USP15: variants seen among roughly 807,000 people sequenced by gnomAD.
The protein encoded by USP15 is ubiquitin carboxyl-terminal hydrolase 15.
USP15 carries 18 observed loss-of-function variants against 127.1 expected under a neutral mutation model. The ratio of observed to expected loss-of-function variants is 0.14; its 90% CI spans 0.10 to 0.21. The LOEUF (loss-of-function observed/expected upper bound fraction) is 0.21, where lower values mean the gene tolerates loss of function less well. Ranked by LOEUF, USP15 falls within the 10% of genes least tolerant of loss-of-function variation. The pLI, the probability that USP15 is intolerant of heterozygous loss-of-function variation, is 1.00. For missense variants in USP15, 805 were observed against 1,159.9 expected (o/e 0.69, Z 4.44); for synonymous variants, 364 against 393.7 (o/e 0.92, Z 0.89).
rs1265824236 is a variant in USP15, at chr12:62,311,831, T to G, written c.349-2959T>G. Among the ~76,000 whole-genome samples the G allele has an allele frequency of 1.3e-5, 2 of 151,804 alleles. 1 individual carries two copies. Among genetic ancestry groups the G allele is most frequent in the Admixed American group, 1.3e-4 (2 of 15,216 alleles). On this transcript the variant is annotated intron_variant, in intron 3 of 21. Coordinates refer to ENST00000280377, the MANE Select transcript of USP15 (RefSeq NM_001252078.2). ...CTATTGGCAATATATGGACCTTATT[T>G]GGATCCTGATTCAAACAATACATTA...
rs11431206 is a variant in USP15, at chr12:62,386,168, G to GTTT, written c.1473+1876_1473+1878dup. On this transcript the variant is annotated intron_variant, in intron 11 of 21. Coordinates refer to ENST00000280377, the MANE Select transcript of USP15 (RefSeq NM_001252078.2). ...AAATTCGTTTGTTTTTGTGTTTTGTGTTTTTTTTTTTTCCTTTTTTCCATT... is the reference window on the plus strand; with the variant it reads ...AAATTCGTTTGTTTTTGTGTTTTGTGTTTTTTTTTTTTTTTCCTTTTTTCCATT... Among the ~76,000 whole-genome samples, 976 of 145,260 alleles carry GTTT rather than the reference G, an allele frequency of 6.7e-3. 5 individuals are homozygous for GTTT. Among genetic ancestry groups the GTTT allele is most frequent in the East Asian group, 0.048 (240 of 4,990 alleles).
chr12:62,367,209 G>T (rs73136862), intron 8 of USP15, among the ~76,000 whole-genome samples: 1 of 151,650 alleles, frequency 6.6e-6, no homozygotes, highest in East Asian at 1.9e-4. Flanking sequence ...CCTTGATTTC[G>T]GAGTTGTTTT....
At chr12:62,350,001 TAG>T (rs2065920154) in intron 7 of USP15, among the ~76,000 whole-genome samples, 1 of 151,952 alleles carries the variant, frequency 6.6e-6, no homozygotes. Context: ...AACATTGATC[TAG>T]AGATGATTAT....
intron 6 of USP15, chr12:62,336,729 C>T (rs1019049569): frequency 1.2e-5 from 2 of 161,790 alleles, no homozygotes; most frequent in Admixed American, 6.5e-5. Context: ...TACTATCTGA[C>T]TGAATAGAGG....
In USP15 at chr12:62,302,128, C is replaced by T. The variant is rs182770020; in HGVS notation, c.218-662C>T. On this transcript the variant is annotated intron_variant, in intron 2 of 21. Transcript: ENST00000280377. ...TCTTGGGAGAAATCCAGATTGTGGG[C>T]CTTCTGGAATAATGAAATGGTTCAC... 1.9e-3 allele frequency among the ~76,000 whole-genome samples: 286 copies of T among 152,106 alleles called. 1 individual carries two copies. In the Middle Eastern group the frequency reaches 0.02, roughly 11 times the overall value.
At chr12:62,383,637 A>G (rs1479784514) in intron 9 of USP15, among the ~76,000 whole-genome samples, 2 of 151,992 alleles carry the variant, frequency 1.3e-5, no homozygotes, top group African/African-American at 4.8e-5. Context: ...AGCTGGTAAC[A>G]TGCATATCAG....
At chr12:62,296,603 A>G (rs2064136242) in intron 2 of USP15, among the ~76,000 whole-genome samples, 2 of 152,210 alleles carry the variant, frequency 1.3e-5, no homozygotes, top group Admixed American at 1.3e-4. Context: ...ATGATAGAAT[A>G]GAAAGTCCCA....
At chr12:62,389,537 G>A in intron 12 of USP15, 23 bp downstream of exon 12, 1 of 1,612,598 alleles carries the variant, frequency 6.2e-7, no homozygotes, top group Non-Finnish European at 8.5e-7. Context: ...TGGGGTTGAA[G>A]TATATAAGTT....
chr12:62,296,148 G>A (rs540615967), intron 2 of USP15, among the ~76,000 whole-genome samples: 2 of 152,162 alleles, frequency 1.3e-5, no homozygotes, highest in Admixed American at 6.5e-5. Flanking sequence ...GCAAGGAAAC[G>A]GGAACCTCAA....
At chr12:62,386,969 G>A (rs1225132998) in intron 11 of USP15, among the ~76,000 whole-genome samples, 1 of 152,188 alleles carries the variant, frequency 6.6e-6, no homozygotes, top group Non-Finnish European at 1.5e-5. Flanking sequence ...ATTCAAAGAT[G>A]ATGCCAAGTT....
chr12:62,407,892 A>G lies in USP15; in HGVS notation c.*3517A>G, dbSNP rs1303364742. The G allele has an allele frequency of 6.6e-6, 1 of 152,134 alleles. No individual in the cohort carries two copies. Among genetic ancestry groups the G allele is most frequent in the Non-Finnish European group, 1.5e-5 (1 of 68,028 alleles). 9.4% of individuals were successfully genotyped at this position (152,134 alleles called of 1,614,324 possible). ...AATTTAGTTTTAATTAACCTCCTTG[A>G]AAAAGTTGCAGCCTGGTGCTTTATT... On this transcript the variant is annotated 3_prime_UTR_variant, in exon 22 of 22. Transcript: ENST00000280377.
chr12:62,265,908 AAAG>A, intron 1 of USP15, among the ~76,000 whole-genome samples: 1 of 152,344 alleles, frequency 6.6e-6, no homozygotes, highest in Admixed American at 6.5e-5. Flanking sequence ...TTTAAAAAGA[AAAG>A]AACCTATTTT....
In USP15 at chr12:62,391,852, T is replaced by C. The variant is rs753736617; in HGVS notation, c.2270T>C (p.Leu757Ser). 1 of 1,609,886 alleles carries C rather than the reference T, an allele frequency of 6.2e-7. No homozygotes were observed. The highest frequency in any genetic ancestry group is 1.7e-5 in the Admixed American group (1 of 59,650). ...CTTGCTTTGGATTGGGATCCTGATT[T>C]GAAAAAAAGATATTTTGATGAAAAT... ...SFLALDWDPD[L>S]KKRYFDENAA... The change falls in exon 17 of 22, where the codon TTG becomes TCG. Residue 757 changes from leucine to serine, a missense_variant. By Grantham distance (145) the Leu-to-Ser change is moderately radical (BLOSUM62 -2). This residue lies in a region of USP15 where 225 missense variants were observed against 239.5 expected (regional missense o/e 0.94). Transcript: ENST00000280377.
At chr12:62,301,299 T>TA (rs1192417597) in intron 2 of USP15, among the ~76,000 whole-genome samples, 15 of 152,278 alleles carry the variant, frequency 9.9e-5, no homozygotes, top group Non-Finnish European at 1.8e-4. Flanking sequence ...AAGTTAGACA[T>TA]ACGTTTATTG....
intron 14 of USP15, among the ~76,000 whole-genome samples, chr12:62,390,570 A>G (rs528477389): frequency 6.6e-6 from 1 of 152,276 alleles, no homozygotes; most frequent in South Asian, 2.1e-4. Flanking sequence ...TACAAATATA[A>G]GTGTTTTTAG....
At chr12:62,273,258 A>T (rs996013955) in intron 1 of USP15, among the ~76,000 whole-genome samples, 1 of 151,992 alleles carries the variant, frequency 6.6e-6, no homozygotes, top group Non-Finnish European at 1.5e-5. Context: ...CATTTATTCT[A>T]TATAGGGCCC....
Position 62,384,072 on chromosome 12 carries a change from T to C in USP15, c.1249-6T>C. The C allele has an allele frequency of 6.2e-7, 1 of 1,611,986 alleles. No homozygotes were observed. The highest frequency in any genetic ancestry group is 1.7e-5 in the Admixed American group (1 of 59,890). On this transcript the variant is annotated splice_region_variant and splice_polypyrimidine_tract_variant and intron_variant, in intron 10 of 21. Coordinates refer to ENST00000280377, the MANE Select transcript of USP15 (RefSeq NM_001252078.2). ...TCTTTCTAATTTGTGTCTATTATCC[T>C]TGTAGGTGGTTGCCGAAGAAGCCTG... is the stretch of plus-strand genomic sequence containing the variant.
intron 2 of USP15, among the ~76,000 whole-genome samples, chr12:62,298,390 G>C (rs1029191300): frequency 3.9e-5 from 6 of 152,168 alleles, no homozygotes; most frequent in African/African-American, 1.4e-4. Flanking sequence ...AATCCAGCCA[G>C]TCGCGATGGC....
rs750161301 is a variant in USP15, at chr12:62,409,568, T to G, written c.*5193T>G. 9.2e-5 allele frequency: 14 copies of G among 152,060 alleles called. No individual in the cohort carries two copies. The highest frequency in any genetic ancestry group is 4.6e-4 in the Admixed American group (7 of 15,236). 9.4% of individuals were successfully genotyped at this position (152,060 alleles called of 1,614,324 possible). ...AAAGTTGGTGCTCGTGTTGCTAAAG[T>G]TTTTTTTCTCATGTCAGGAACTTGC... On this transcript the variant is annotated 3_prime_UTR_variant, in exon 22 of 22. Coordinates refer to ENST00000280377, the MANE Select transcript of USP15 (RefSeq NM_001252078.2).
Sources: allele counts gnomAD v4.1 joint callset (sites outside exome capture counted in the v4.1 genomes callset), GRCh38; gene constraint gnomAD v4.1.1; regional missense constraint gnomAD v4.1.1; transcripts MANE v1.5; gene names NCBI Gene and HGNC (gene_info 2026-07-23, HGNC 2026-07-21).